Variants in ABR observed in about 807,000 individuals in gnomAD.
The protein encoded by ABR is ABR activator of RhoGEF and GTPase, also known as active breakpoint cluster region-related protein.
ABR carries 35 observed loss-of-function variants against 107.2 expected under a neutral mutation model. The observed-to-expected ratio is 0.33, with a 90% CI of 0.25 to 0.43. The LOEUF is 0.43. Among genes scored for constraint, ABR ranks in the 20% least tolerant of loss-of-function variants. The pLI is 1.00. For synonymous variants in ABR, 498 were observed against 462.0 expected (o/e 1.08, Z -1.00); for missense variants, 815 against 1,115.2 (o/e 0.73, Z 3.83).
chr17:1,177,102 C>T (rs1198039633), intron 1 of ABR, among the ~76,000 whole-genome samples: 1 of 152,162 alleles, frequency 6.6e-6, no homozygotes, highest in South Asian at 2.1e-4. Flanking sequence ...GGAGATTTGT[C>T]ACCCCAGGAC....
intron 1 of ABR, among the ~76,000 whole-genome samples, chr17:1,166,825 C>A (rs779551458): frequency 1.3e-5 from 2 of 152,152 alleles, no homozygotes; most frequent in Non-Finnish European, 2.9e-5. Flanking sequence ...CATGGTGTAA[C>A]CCTGTCTCTA....
At chr17:1,176,222 C>T (rs554465257) in intron 1 of ABR, among the ~76,000 whole-genome samples, 69 of 152,300 alleles carry the variant, frequency 4.5e-4, no homozygotes, top group African/African-American at 1.6e-3. Context: ...CCAGGCCCAG[C>T]CCCCAGGTCC....
chr17:1,013,642 C>T (rs915901468), intron 16 of ABR, among the ~76,000 whole-genome samples: 1 of 152,358 alleles, frequency 6.6e-6, no homozygotes, highest in East Asian at 1.9e-4. Flanking sequence ...CAGGAGCCCG[C>T]GCACAGGAGG....
chr17:1,194,945 C>T (rs2042521856), intron 1 of ABR, among the ~76,000 whole-genome samples: 1 of 145,410 alleles, frequency 6.9e-6, no homozygotes, highest in African/African-American at 2.5e-5. Flanking sequence ...AGCCACCGCG[C>T]CCGACCCTAA....
intron 22 of ABR, 99 bp from the exon 23 acceptor site, chr17:1,006,268 C>G (rs2070024174): frequency 5.6e-6 from 6 of 1,074,798 alleles, no homozygotes; most frequent in Non-Finnish European, 8.3e-6. Flanking sequence ...TAGACTGGCT[C>G]CGGCCACCGC....
At chr17:1,106,527 CTTTTT>C (rs540643214) in intron 2 of ABR, among the ~76,000 whole-genome samples, 1,536 of 102,596 alleles carry the variant, frequency 0.015, 33 homozygotes, top group African/African-American at 0.055. Context: ...TTCTCACAGT[CTTTTT>C]TTTTTTTTTT....
rs189991001 is a variant in ABR, at chr17:1,214,131, C to T, written c.838+14662G>A. On this transcript the variant is annotated intron_variant, in intron 1 of 22. Coordinates refer to the ABR transcript ENST00000574139. ...CGAACTCCTGATCTTGTGATCCACC[C>T]GCCTCGGGCTCCCAAAGTGCTGGGA... is the stretch of plus-strand genomic sequence containing the variant. Among the ~76,000 whole-genome samples the T allele has an allele frequency of 6.6e-5, 10 of 152,142 alleles. No individual in the cohort carries two copies. In the South Asian group the frequency reaches 2.1e-3, roughly 32 times the overall value.
At chr17:1,041,363 G>A (rs1180814915) in intron 16 of ABR, among the ~76,000 whole-genome samples, 2 of 152,320 alleles carry the variant, frequency 1.3e-5, no homozygotes, top group Non-Finnish European at 2.9e-5. Flanking sequence ...TCACAGCACC[G>A]ACTGGCTCTT....
Position 1,194,483 on chromosome 17 carries a change from C to T in ABR, c.838+34310G>A, listed in dbSNP as rs1369361582. Among the ~76,000 whole-genome samples, 4 of 133,424 alleles carry T rather than the reference C, an allele frequency of 3.0e-5. 1 individual carries two copies. Among genetic ancestry groups the T allele is most frequent in the East Asian group, 3.2e-4 (1 of 3,084 alleles). The allele number at this position is 133,424 out of a possible 152,430, so 87.5% of individuals were successfully genotyped here. A position where few individuals can be genotyped will look rare whatever the true frequency, so the allele number is the denominator to read the frequency against. ...AAGTGCTGGGATTACAGGTGTGAGACACTTCGCCCAGCCTTCTTTATTTTT... is the reference window on the plus strand; with the variant it reads ...AAGTGCTGGGATTACAGGTGTGAGATACTTCGCCCAGCCTTCTTTATTTTT... On this transcript the variant is annotated intron_variant, in intron 1 of 22. Coordinates refer to the ABR transcript ENST00000574139.
chr17:1,050,771 C>CCGGG lies in ABR; in HGVS notation c.1562-138_1562-137insCCCG. ...CGGATGGCATCTTGGCTCTCTCCTC[C>CCGGG]CTGAAGCCCGGGACCATCTGGCTTC... On this transcript the variant is annotated intron_variant, in intron 14 of 22. Coordinates refer to ENST00000302538, the MANE Select transcript of ABR (RefSeq NM_021962.5). The surrounding 1 kb of genome is among the most constrained non-coding windows in gnomAD (Gnocchi z 4.6). The CCGGG allele has an allele frequency of 1.4e-6, 1 of 710,424 alleles. No homozygotes were observed. Among genetic ancestry groups the CCGGG allele is most frequent in the Non-Finnish European group, 2.5e-6 (1 of 403,128 alleles). The allele number at this position is 710,424 out of a possible 1,614,324, so 44.0% of individuals were successfully genotyped here. A position where few individuals can be genotyped will look rare whatever the true frequency, so the allele number is the denominator to read the frequency against.
chr17:1,161,771 T>C (rs2041304313), intron 1 of ABR, among the ~76,000 whole-genome samples: 1 of 152,086 alleles, frequency 6.6e-6, no homozygotes, highest in Admixed American at 6.6e-5. Flanking sequence ...GCCAGGCTGG[T>C]CTCAAACTCC....
At chr17:1,223,304 A>AACACACACACACACACACACACAC (rs56226163) in intron 1 of ABR, among the ~76,000 whole-genome samples, 4 of 149,158 alleles carry the variant, frequency 2.7e-5, no homozygotes, top group African/African-American at 9.9e-5. Context: ...AATCAGTAAC[A>AACACACACACACACACACACACAC]ACACACACAC....
intron 1 of ABR, among the ~76,000 whole-genome samples, chr17:1,175,175 GC>G (rs1228088072): frequency 5.3e-5 from 8 of 152,250 alleles, no homozygotes; most frequent in African/African-American, 1.7e-4. Context: ...ACTTTGGGAA[GC>G]CGAGGCGGGT....
intron 1 of ABR, among the ~76,000 whole-genome samples, chr17:1,161,159 G>GT (rs1016205559): frequency 6.8e-5 from 10 of 147,882 alleles, no homozygotes. Flanking sequence ...CACAAGTCCA[G>GT]TCTTTTTTTT....
intron 1 of ABR, among the ~76,000 whole-genome samples, chr17:1,173,330 C>CCAACACATCACCTCAGTCCACT (rs1167955747): frequency 6.3e-5 from 8 of 126,580 alleles, no homozygotes; most frequent in Non-Finnish European, 1.2e-4. Flanking sequence ...CTCAGCCCAC[C>CCAACACATCACCTCAGTCCACT]CAACACATCA....
intron 1 of ABR, among the ~76,000 whole-genome samples, chr17:1,146,524 C>T (rs1201059015): frequency 3.9e-5 from 6 of 152,190 alleles, no homozygotes; most frequent in Non-Finnish European, 7.3e-5. Context: ...ATGAAGATGA[C>T]CATGATTCTG....
intron 16 of ABR, among the ~76,000 whole-genome samples, chr17:1,032,329 T>C (rs2150923490): frequency 6.6e-6 from 1 of 152,200 alleles, no homozygotes; most frequent in East Asian, 1.9e-4. Context: ...GGACCGGCAC[T>C]CAGAAGCCTC....
rs892652775 is a variant in ABR at position 1,047,256 on chromosome 17, G to A, written c.1791+2794C>T. 8.5e-5 allele frequency among the ~76,000 whole-genome samples: 13 copies of A among 152,394 alleles called. No homozygotes were observed. In the South Asian group the frequency reaches 2.5e-3, roughly 29 times the overall value. On this transcript the variant is annotated intron_variant, in intron 16 of 22. Transcript: ENST00000302538. ...GCGCCTGCTGGCGGGCAGAAAGACT[G>A]CATTCCAGAGGCTAGTGCCAGCTCC...
At chr17:1,153,402 CG>C (rs1330366545) in intron 1 of ABR, among the ~76,000 whole-genome samples, 1 of 147,398 alleles carries the variant, frequency 6.8e-6, no homozygotes, top group South Asian at 2.2e-4. Context: ...GGCACACCTG[CG>C]GGAGGGCTGG....
Sources: gnomAD v4.1 joint callset for allele counts (sites outside exome capture counted in the v4.1 genomes callset) on GRCh38, gnomAD v4.1.1 for gene constraint, Gnocchi (gnomAD v3.1) non-coding constraint, MANE v1.5 for transcripts, NCBI Gene and HGNC (gene_info 2026-07-23, HGNC 2026-07-21) for gene names.